The following CDON variants were observed in gnomAD, a reference collection of about 807,000 sequenced individuals.
The protein encoded by CDON is cell adhesion molecule-related/down-regulated by oncogenes.
A neutral mutation model predicts 120.9 loss-of-function variants in CDON; 73 were observed. The ratio of observed to expected loss-of-function variants is 0.60; its 90% CI spans 0.50 to 0.73. The LOEUF (loss-of-function observed/expected upper bound fraction) is 0.73, where lower values mean the gene tolerates loss of function less well. Ranked by LOEUF, CDON falls within the 30% of genes least tolerant of loss-of-function variation. The probability of loss-of-function intolerance (pLI) is 0.00; values close to 1 mark genes in which losing one functional copy is unlikely to be tolerated. For missense variants in CDON, 1,470 were observed against 1,587.3 expected (o/e 0.93, Z 1.26); for synonymous variants, 566 against 573.5 (o/e 0.99, Z 0.19).
At chr11:125,972,756 T>C (rs1252009832) in intron 18 of CDON, among the ~76,000 whole-genome samples, 1 of 152,124 alleles carries the variant, frequency 6.6e-6, no homozygotes, top group Admixed American at 6.5e-5. Context: ...AAAAAGAACC[T>C]GGAGTGGCAG....
At chr11:126,010,274 A>G (rs1031927597) in intron 8 of CDON, 67 bp downstream of exon 8, 3 of 1,109,202 alleles carry the variant, frequency 2.7e-6, no homozygotes, top group African/African-American at 1.6e-5. Context: ...AACATATTTC[A>G]AATCACTTTA....
At chr11:126,019,549 A>G (rs1947569997) in intron 4 of CDON, 70 bp downstream of exon 4, 2 of 1,541,150 alleles carry the variant, frequency 1.3e-6, no homozygotes, top group Non-Finnish European at 1.8e-6. Context: ...TAGCACACAG[A>G]GCTTAGAAGT....
intron 8 of CDON, among the ~76,000 whole-genome samples, chr11:126,009,675 A>C (rs1947235394): frequency 6.6e-6 from 1 of 151,368 alleles, no homozygotes. Flanking sequence ...TCACAAGACA[A>C]ATAAGATGAC....
intron 18 of CDON, among the ~76,000 whole-genome samples, chr11:125,968,343 A>G (rs543190169): frequency 5.2e-4 from 79 of 152,198 alleles, no homozygotes; most frequent in South Asian, 4.8e-3. Flanking sequence ...ACAGAATGAG[A>G]TTTTTTAATG....
chr11:126,040,845 A>G (rs1250232316), intron 1 of CDON, among the ~76,000 whole-genome samples: 1 of 131,276 alleles, frequency 7.6e-6, no homozygotes, highest in Non-Finnish European at 1.7e-5. Flanking sequence ...AAAAAAAAAA[A>G]AGGTACTAAA....
chr11:126,001,264 T>TTG (rs1946936203), intron 11 of CDON, among the ~76,000 whole-genome samples: 1 of 151,246 alleles, frequency 6.6e-6, no homozygotes, highest in Non-Finnish European at 1.5e-5. Flanking sequence ...CTCAGCTCAC[T>TTG]ACAACATCTT....
chr11:125,994,195 G>A (rs1449238577), intron 14 of CDON, 89 bp downstream of exon 14: 23 of 768,570 alleles, frequency 3.0e-5, no homozygotes, highest in Non-Finnish European at 4.5e-5. Flanking sequence ...ATTTTGTACT[G>A]TCTTAATTTG....
chr11:126,022,750 T>C (rs1285458771), intron 2 of CDON, among the ~76,000 whole-genome samples: 3 of 152,232 alleles, frequency 2.0e-5, no homozygotes, highest in South Asian at 2.1e-4. Flanking sequence ...TACAGCTATA[T>C]AGTACTTTTA....
intron 16 of CDON, 62 bp from the exon 17 acceptor site, chr11:125,981,391 TACGCACAC>T (rs1946295702): frequency 2.6e-6 from 4 of 1,535,058 alleles, no homozygotes; most frequent in Admixed American, 3.4e-5. Context: ...CACATGCACA[TACGCACAC>T]ACGCATGCAC....
intron 18 of CDON, among the ~76,000 whole-genome samples, chr11:125,971,248 T>C (rs1457281698): frequency 6.6e-6 from 1 of 151,956 alleles, no homozygotes; most frequent in Non-Finnish European, 1.5e-5. Context: ...CTGGGTGTGG[T>C]GGCGGGCACT....
intron 4 of CDON, 64 bp downstream of exon 4, chr11:126,019,555 G>A: frequency 1.3e-6 from 2 of 1,567,108 alleles, no homozygotes; most frequent in South Asian, 2.2e-5. Context: ...ACAGAGCTTA[G>A]AAGTAGCTTA....
chr11:126,027,313 A>T (rs79068099), intron 1 of CDON, among the ~76,000 whole-genome samples: 15,325 of 152,192 alleles, frequency 0.1, 811 homozygotes, highest in Admixed American at 0.13. Flanking sequence ...TCACAAATAA[A>T]CATTACTGAC....
At chr11:125,983,199 C>A (rs944589569) in intron 16 of CDON, among the ~76,000 whole-genome samples, 2 of 152,078 alleles carry the variant, frequency 1.3e-5, no homozygotes, top group African/African-American at 4.8e-5. Flanking sequence ...GATTTGATTA[C>A]CCTATTTTAT....
At chr11:126,040,592 G>A (rs1016702833) in intron 1 of CDON, among the ~76,000 whole-genome samples, 2 of 151,820 alleles carry the variant, frequency 1.3e-5, no homozygotes, top group Non-Finnish European at 2.9e-5. Flanking sequence ...GAGGTGGGCG[G>A]ATCACAAGGT....
chr11:126,039,097 A>G (rs562023515), intron 1 of CDON, among the ~76,000 whole-genome samples: 1 of 152,290 alleles, frequency 6.6e-6, no homozygotes, highest in Non-Finnish European at 1.5e-5. Context: ...GAAGAATAAA[A>G]AGCCAACTTA....
chr11:126,021,648 A>G (rs1565535762), intron 2 of CDON, 128 bp from the exon 3 acceptor site: 5 of 820,598 alleles, frequency 6.1e-6, no homozygotes, highest in Non-Finnish European at 9.3e-6. Context: ...TATATATGTT[A>G]TGGTTCTTGA....
intron 1 of CDON, among the ~76,000 whole-genome samples, chr11:126,061,526 T>C (rs1948794861): frequency 6.6e-6 from 1 of 152,174 alleles, no homozygotes; most frequent in Admixed American, 6.5e-5. Context: ...TCTAACACCC[T>C]CCCCACCTTC....
chr11:125,981,453 C>A, intron 16 of CDON, 124 bp from the exon 17 acceptor site: 1 of 980,794 alleles, frequency 1.0e-6, no homozygotes. Flanking sequence ...CAGTAAGACA[C>A]TAAAAAGGAC....
chr11:126,051,741 G>T (rs928765182), intron 1 of CDON, among the ~76,000 whole-genome samples: 1 of 149,022 alleles, frequency 6.7e-6, no homozygotes, highest in East Asian at 2.0e-4. Context: ...TCTGCCTCCC[G>T]AGTTCAAGCG....
Sources: allele counts gnomAD v4.1 joint callset (sites outside exome capture counted in the v4.1 genomes callset), GRCh38; gene constraint gnomAD v4.1.1; transcripts MANE v1.5; gene names NCBI Gene and HGNC (gene_info 2026-07-23, HGNC 2026-07-21).